The following TASP1 variants were observed in gnomAD, a reference collection of about 807,000 sequenced individuals.
TASP1 encodes the protein taspase 1, also known as threonine aspartase 1.
Under a neutral mutation model 56.6 loss-of-function variants are expected in TASP1, and 16 were observed. The ratio of observed to expected loss-of-function variants is 0.28; its 90% CI spans 0.19 to 0.43. TASP1 has a LOEUF of 0.43. TASP1 is among the 20% of genes least tolerant of loss of function. The pLI is 1.00. For synonymous variants in TASP1, 179 were observed against 184.2 expected (o/e 0.97, Z 0.23); for missense variants, 393 against 511.6 (o/e 0.77, Z 2.24).
At chr20:13,253,378 G>A in the TASP1 span, among the ~76,000 whole-genome samples, 2 of 152,206 alleles carry the variant, frequency 1.3e-5, no homozygotes, top group African/African-American at 4.8e-5. Flanking sequence ...ATGCTGGATG[G>A]GAGGCCTTGG....
At chr20:13,110,672 A>G in the TASP1 span, among the ~76,000 whole-genome samples, 2 of 152,286 alleles carry the variant, frequency 1.3e-5, no homozygotes, top group African/African-American at 4.8e-5. Context: ...ATTGCCATCA[A>G]TACAAAAGAT....
chr20:13,490,830 T>C (rs1422135992), intron 10 of TASP1, among the ~76,000 whole-genome samples: 5 of 152,086 alleles, frequency 3.3e-5, no homozygotes, highest in Admixed American at 1.3e-4. Context: ...AAATGGGGAA[T>C]GGGATACCAA....
chr20:13,587,678 A>G (rs1225963796), intron 4 of TASP1, among the ~76,000 whole-genome samples: 1 of 152,118 alleles, frequency 6.6e-6, no homozygotes, highest in Non-Finnish European at 1.5e-5. Context: ...CTGAAAATCA[A>G]TGTAATACCC....
chr20:13,230,737 T>A, the TASP1 span, among the ~76,000 whole-genome samples: 1 of 150,466 alleles, frequency 6.6e-6, no homozygotes, highest in Non-Finnish European at 1.5e-5. Context: ...AGCAAGGGAA[T>A]GTGTTGTAGA....
At chr20:13,121,290 G>C in the TASP1 span, among the ~76,000 whole-genome samples, 1 of 152,124 alleles carries the variant, frequency 6.6e-6, no homozygotes, top group Admixed American at 6.6e-5. Flanking sequence ...ACTGGGACAG[G>C]GCAGACAAAT....
chr20:13,110,219 T>C, the TASP1 span: 1 of 1,612,200 alleles, frequency 6.2e-7, no homozygotes. Context: ...TGTCTACAGG[T>C]ATGTAAATAA....
intron 11 of TASP1, among the ~76,000 whole-genome samples, chr20:13,438,537 A>G (rs1047156757): frequency 6.6e-6 from 1 of 152,232 alleles, no homozygotes; most frequent in African/African-American, 2.4e-5. Context: ...TGTTAGACCT[A>G]AAACCATAAA....
Position 13,623,418 on chromosome 20 carries a change from T to C in TASP1, c.282+28A>G, listed in dbSNP as rs748629048. On this transcript the variant is annotated intron_variant, in intron 4 of 13. Transcript: ENST00000337743. ...AACAATAAAGATAAACTCACAAATA[T>C]TTTAAATAAAACAGAGAAAAGAAAT... The C allele has an allele frequency of 1.9e-6, 3 of 1,585,076 alleles. No homozygotes were observed. In the Admixed American group the frequency reaches 5.1e-5, roughly 27 times the overall value.
rs562706829 is a variant in TASP1, at chr20:13,611,341, A to T, written c.282+12105T>A. Among the ~76,000 whole-genome samples, 36 of 152,320 alleles carry T rather than the reference A, an allele frequency of 2.4e-4. No individual in the cohort carries two copies. In the South Asian group the frequency reaches 7.5e-3, roughly 32 times the overall value. On this transcript the variant is annotated intron_variant, in intron 4 of 13. Coordinates refer to ENST00000337743, the MANE Select transcript of TASP1 (RefSeq NM_017714.3). ...TAAAAGTAAATAAACAATTTGGTTCAACCTTATTTGGGTCACCGAGGTTTT... is the reference window on the plus strand; with the variant it reads ...TAAAAGTAAATAAACAATTTGGTTCTACCTTATTTGGGTCACCGAGGTTTT...
chr20:13,499,108 C>T (rs994729905), intron 10 of TASP1, among the ~76,000 whole-genome samples: 9 of 152,098 alleles, frequency 5.9e-5, no homozygotes, highest in African/African-American at 1.4e-4. Flanking sequence ...GGTACATATA[C>T]GCCCTGGAAA....
At chr20:13,381,924 C>T in the TASP1 span, among the ~76,000 whole-genome samples, 1 of 152,196 alleles carries the variant, frequency 6.6e-6, no homozygotes, top group East Asian at 1.9e-4. Context: ...GGGGTTGAGT[C>T]TCTGTCTATG....
chr20:13,490,771 TCCAGCAGG>T (rs2043498743), intron 10 of TASP1, among the ~76,000 whole-genome samples: 1 of 150,970 alleles, frequency 6.6e-6, no homozygotes, highest in Non-Finnish European at 1.5e-5. Context: ...CATGTTTGAA[TCCAGCAGG>T]GTGACTTTGG....
chr20:13,584,054 C>T (rs763752150), intron 5 of TASP1, among the ~76,000 whole-genome samples: 6 of 150,356 alleles, frequency 4.0e-5, no homozygotes, highest in Admixed American at 1.3e-4. Flanking sequence ...ACTCCAACCT[C>T]GGCCAACACC....
Position 13,562,834 on chromosome 20 carries a change from G to A in TASP1, c.569-3720C>T, listed in dbSNP as rs148706596. Among the ~76,000 whole-genome samples the A allele has an allele frequency of 9.4e-3, 1,385 of 147,796 alleles. 29 individuals carry two copies. Among genetic ancestry groups the A allele is most frequent in the African/African-American group, 0.032 (1,286 of 40,062 alleles). On this transcript the variant is annotated intron_variant, in intron 7 of 13. Transcript: ENST00000337743. Reference sequence around the variant, plus strand: ...CAAGGTTGCAGTGAGCCATGTTTGCGCCACTGCACTCCAGCCTGGTCAAGA... The same window carrying A: ...CAAGGTTGCAGTGAGCCATGTTTGCACCACTGCACTCCAGCCTGGTCAAGA...
chr20:13,345,457 T>C, the TASP1 span, among the ~76,000 whole-genome samples: 1 of 152,292 alleles, frequency 6.6e-6, no homozygotes, highest in African/African-American at 2.4e-5. Context: ...CCATCCCTCC[T>C]GGAGCCAATC....
At chr20:13,489,396 A>G (rs184123521) in intron 10 of TASP1, among the ~76,000 whole-genome samples, 49 of 152,306 alleles carry the variant, frequency 3.2e-4, no homozygotes, top group African/African-American at 1.2e-3. Flanking sequence ...TGTCTCTGCC[A>G]TATCTGACTA....
At chr20:13,588,736 C>A (rs1237416992) in intron 4 of TASP1, among the ~76,000 whole-genome samples, 1 of 152,142 alleles carries the variant, frequency 6.6e-6, no homozygotes, top group African/African-American at 2.4e-5. Context: ...TGGCAATACT[C>A]CCCAAATCAA....
chr20:13,608,739 T>G (rs2048246672), intron 4 of TASP1, among the ~76,000 whole-genome samples: 1 of 152,254 alleles, frequency 6.6e-6, no homozygotes, highest in Non-Finnish European at 1.5e-5. Flanking sequence ...TCTGGCCAGA[T>G]TTGGCTTTCT....
At chr20:13,453,105 C>T (rs1228544687) in intron 11 of TASP1, among the ~76,000 whole-genome samples, 1 of 151,828 alleles carries the variant, frequency 6.6e-6, no homozygotes, top group East Asian at 1.9e-4. Flanking sequence ...GTCTGGAAGT[C>T]CAAGGGACAA....
Sources: allele counts gnomAD v4.1 joint callset (sites outside exome capture counted in the v4.1 genomes callset), GRCh38; gene constraint gnomAD v4.1.1; transcripts MANE v1.5; gene names NCBI Gene and HGNC (gene_info 2026-07-23, HGNC 2026-07-21).